Variants in PLCE1 observed in about 807,000 individuals in gnomAD.
PLCE1 encodes the protein 1-phosphatidylinositol 4,5-bisphosphate phosphodiesterase epsilon-1.
Under a neutral mutation model 242.8 loss-of-function variants are expected in PLCE1, and 119 were observed. The ratio of observed to expected loss-of-function variants is 0.49; its 90% CI spans 0.42 to 0.57. PLCE1 has a LOEUF of 0.57. PLCE1 is among the 20% of genes least tolerant of loss of function. The probability of loss-of-function intolerance (pLI) is 0.00; values close to 1 mark genes in which losing one functional copy is unlikely to be tolerated. For missense variants in PLCE1, 2,441 were observed against 2,788.8 expected (o/e 0.88, Z 2.81); for synonymous variants, 945 against 1,017.4 (o/e 0.93, Z 1.35).
At chr10:94,224,735 G>C (rs909071495) in intron 4 of PLCE1, among the ~76,000 whole-genome samples, 1 of 152,222 alleles carries the variant, frequency 6.6e-6, no homozygotes, top group Non-Finnish European at 1.5e-5. Flanking sequence ...GAATTAGATG[G>C]ATGCACCAAT....
At chr10:94,045,723 C>T (rs2061868574) in intron 2 of PLCE1, among the ~76,000 whole-genome samples, 1 of 152,184 alleles carries the variant, frequency 6.6e-6, no homozygotes, top group African/African-American at 2.4e-5. Flanking sequence ...AAACAGAGCA[C>T]CAGCCCTGGA....
intron 4 of PLCE1, among the ~76,000 whole-genome samples, chr10:94,176,333 G>A (rs562430598): frequency 3.9e-5 from 6 of 152,278 alleles, no homozygotes; most frequent in Admixed American, 2.0e-4. Flanking sequence ...CTGGGAGGTC[G>A]AGGCTGCAGT....
At position 94,255,031 on chromosome 10, in the gene PLCE1, C is replaced by T. The variant is rs2051020849; in HGVS notation, c.3536C>T (p.Ser1179Leu). 1.2e-6 allele frequency: 2 copies of T among 1,614,122 alleles called. No homozygotes were observed. The highest frequency in any genetic ancestry group is 1.7e-6 in the Non-Finnish European group (2 of 1,179,990). ...GTGTCCTCCCCTGTGCTGTCTTCTT[C>T]AAACAAGAGCCCATCCAGGTGGGGC... ...RPVSSPVLSS[S>L]NKSPSSAWSS... Residue 1179 changes from serine (S) to leucine (L), a missense_variant, in exon 11 of 33, where the codon TCA becomes TTA. Transcript: ENST00000371380.
At chr10:94,190,949 G>C (rs760385697) in intron 4 of PLCE1, among the ~76,000 whole-genome samples, 4 of 152,194 alleles carry the variant, frequency 2.6e-5, no homozygotes, top group Non-Finnish European at 4.4e-5. Context: ...GAGATCACAG[G>C]CTTCAAGGAT....
At chr10:94,231,871 T>C (rs1297170013) in intron 5 of PLCE1, among the ~76,000 whole-genome samples, 1 of 152,212 alleles carries the variant, frequency 6.6e-6, no homozygotes, top group Non-Finnish European at 1.5e-5. Context: ...CAAGCTGTAA[T>C]GCTTGCTTGC....
In PLCE1 at chr10:94,332,708, T is replaced by G. The variant is rs1398515210; in HGVS notation, c.*4765T>G. On this transcript the variant is annotated 3_prime_UTR_variant, in exon 33 of 33. Coordinates refer to ENST00000371380, the MANE Select transcript of PLCE1 (RefSeq NM_016341.4). ...TTAAAGGCATAATACAGCTGTGAAA[T>G]AGCTGATGAGTTTCTATTTTAAGCT... 6.6e-6 allele frequency: 1 copy of G among 152,312 alleles called. No homozygotes were observed. Among genetic ancestry groups the G allele is most frequent in the East Asian group, 1.9e-4 (1 of 5,186 alleles). 9.4% of individuals were successfully genotyped at this position (152,312 alleles called of 1,614,324 possible).
chr10:94,055,384 CACT>C (rs1172361630), intron 2 of PLCE1, among the ~76,000 whole-genome samples: 2 of 151,530 alleles, frequency 1.3e-5, no homozygotes, highest in African/African-American at 4.9e-5. Context: ...GATCTCCACT[CACT>C]GCAACCTCCA....
intron 2 of PLCE1, among the ~76,000 whole-genome samples, chr10:94,051,602 A>G (rs1015824234): frequency 2.6e-5 from 4 of 152,242 alleles, no homozygotes; most frequent in Non-Finnish European, 1.5e-5. Context: ...TTGGAGGCCA[A>G]TGGGCATTGT....
intron 4 of PLCE1, among the ~76,000 whole-genome samples, chr10:94,171,737 C>T (rs1473133317): frequency 1.3e-5 from 2 of 152,110 alleles, no homozygotes; most frequent in African/African-American, 4.8e-5. Flanking sequence ...TTGCATTACC[C>T]AGTCCACCAA....
chr10:94,291,319 T>G (rs12254730), intron 22 of PLCE1, among the ~76,000 whole-genome samples: 6,289 of 152,230 alleles, frequency 0.041, 419 homozygotes, highest in African/African-American at 0.14. Flanking sequence ...AATACCTAGA[T>G]GGCTTCTGCT....
chr10:94,123,687 G>A (rs1305653273), intron 2 of PLCE1, among the ~76,000 whole-genome samples: 1 of 152,164 alleles, frequency 6.6e-6, no homozygotes, highest in Non-Finnish European at 1.5e-5. Context: ...ACACCCATCA[G>A]ACATGAAACT....
At chr10:94,028,560 C>T (rs1302940487) in intron 1 of PLCE1, among the ~76,000 whole-genome samples, 1 of 152,098 alleles carries the variant, frequency 6.6e-6, no homozygotes, top group Admixed American at 6.5e-5. Flanking sequence ...GAATTAGGCT[C>T]CACCTTGTGA....
intron 3 of PLCE1, among the ~76,000 whole-genome samples, chr10:94,134,181 G>C (rs1239901511): frequency 6.6e-6 from 1 of 151,168 alleles, no homozygotes; most frequent in African/African-American, 2.4e-5. Context: ...GCTCACTGCA[G>C]CCTCTGCCTC....
intron 3 of PLCE1, among the ~76,000 whole-genome samples, chr10:94,151,840 C>A (rs936455455): frequency 7.2e-5 from 11 of 152,164 alleles, no homozygotes; most frequent in Admixed American, 3.9e-4. Flanking sequence ...AAGCCCCCTC[C>A]ACAAAACAAC....
chr10:94,292,042 C>T (rs2052662162), intron 22 of PLCE1, among the ~76,000 whole-genome samples: 1 of 152,190 alleles, frequency 6.6e-6, no homozygotes, highest in South Asian at 2.1e-4. Context: ...CCCCTCCCCA[C>T]TGGTCCCTCA....
At chr10:94,079,845 C>G (rs2044606400) in intron 2 of PLCE1, among the ~76,000 whole-genome samples, 1 of 152,190 alleles carries the variant, frequency 6.6e-6, no homozygotes, top group South Asian at 2.1e-4. Context: ...CTCGAGGTTT[C>G]TCCAAAAAGC....
chr10:94,064,398 C>A (rs116604113), intron 2 of PLCE1, among the ~76,000 whole-genome samples: 2,432 of 152,188 alleles, frequency 0.016, 55 homozygotes, highest in African/African-American at 0.055. Context: ...AAAAAATTAG[C>A]TGGGCATAGT....
chr10:94,262,779 A>G (rs749449043), intron 14 of PLCE1, 47 bp downstream of exon 14: 1 of 1,180,768 alleles, frequency 8.5e-7, no homozygotes, highest in East Asian at 2.3e-5. Context: ...GCCTCTGGCT[A>G]TTCTAATAAT....
intron 24 of PLCE1, among the ~76,000 whole-genome samples, chr10:94,302,958 A>G (rs1377026177): frequency 6.6e-6 from 1 of 152,190 alleles, no homozygotes; most frequent in African/African-American, 2.4e-5. Context: ...CTCTGTCATG[A>G]AGTGGCCTGA....
Sources: allele counts gnomAD v4.1 joint callset (sites outside exome capture counted in the v4.1 genomes callset), GRCh38; gene constraint gnomAD v4.1.1; transcripts MANE v1.5; gene names NCBI Gene and HGNC (gene_info 2026-07-23, HGNC 2026-07-21).